CD34: variants seen among roughly 807,000 people sequenced by gnomAD.
CD34 encodes hematopoietic progenitor cell antigen CD34.
Under a neutral mutation model 40.1 loss-of-function variants are expected in CD34, and 34 were observed. The ratio of observed to expected loss-of-function variants is 0.85; its 90% confidence interval spans 0.65 to 1.13. The LOEUF (loss-of-function observed/expected upper bound fraction) is 1.13. Among genes scored for constraint, CD34 ranks in the 50% most tolerant of loss-of-function variants. The pLI is 0.00. For missense variants in CD34, 426 were observed against 466.9 expected (o/e 0.91, Z 0.81); for synonymous variants, 209 against 190.0 (o/e 1.10, Z -0.82).
rs1447863216 is a variant in CD34 at position 207,887,857 on chromosome 1, G to A, written c.1039C>T (p.Pro347Ser). The A allele has an allele frequency of 6.2e-7, 1 of 1,614,166 alleles. No individual in the cohort carries two copies. Among genetic ancestry groups the A allele is most frequent in the Admixed American group, 1.7e-5 (1 of 60,016 alleles). ...QGYSSGPGTS[P>S]EAQGKASVNR... ...ACACTGGCCTTTCCCTGAGCCTCAG[G>A]GGAGGTCCCAGGTCCTGAGCTATAG... is the stretch of plus-strand genomic sequence containing the variant. The change falls in exon 8 of 8, where the codon CCT (proline) becomes TCT (serine). Residue 347 changes from proline to serine, a missense_variant. Transcript: ENST00000310833.
Position 207,889,710 on chromosome 1 carries a change from C to T in CD34, c.598-89G>A, listed in dbSNP as rs200628065. 8,007 of 1,604,312 alleles carry T rather than the reference C, an allele frequency of 5.0e-3. 27 individuals are homozygous for T. Among genetic ancestry groups the T allele is most frequent in the Non-Finnish European group, 6.3e-3 (7,472 of 1,177,082 alleles). ...CAGAGTCTCTGATTACAGTCATACTCTTACCCCGTCCGCAAGAAGGATCCT... is the reference window on the plus strand; with the variant it reads ...CAGAGTCTCTGATTACAGTCATACTTTTACCCCGTCCGCAAGAAGGATCCT... On this transcript the variant is annotated intron_variant, in intron 4 of 7. Coordinates refer to ENST00000310833, the MANE Select transcript of CD34 (RefSeq NM_001025109.2).
At chr1:207,889,235 G>C (rs753686649) in intron 5 of CD34, 22 bp from the exon 6 acceptor site, 1 of 1,613,954 alleles carries the variant, frequency 6.2e-7, no homozygotes, top group Admixed American at 1.7e-5. Flanking sequence ...AACAAGGGTT[G>C]CTAAATCTAA....
At chr1:207,908,960 C>T (rs973928888) in intron 1 of CD34, among the ~76,000 whole-genome samples, 5 of 152,164 alleles carry the variant, frequency 3.3e-5, no homozygotes, top group Non-Finnish European at 7.3e-5. Context: ...CTGCAATGGC[C>T]CTATGGTAGC....
At chr1:207,897,594 T>C (rs564859649) in intron 3 of CD34, 21 bp from the exon 4 acceptor site, 1 of 1,528,316 alleles carries the variant, frequency 6.5e-7, no homozygotes, top group Non-Finnish European at 8.9e-7. Context: ...ACAAAAACAA[T>C]AACAAAAACA....
intron 4 of CD34, among the ~76,000 whole-genome samples, chr1:207,894,855 GCACATACAGAAGACACGCCTACAGAATC>G (rs1176025488): frequency 1.3e-5 from 2 of 152,054 alleles, no homozygotes; most frequent in African/African-American, 4.8e-5. Context: ...TCTACAGAAT[GCACATACAGAAGACACGCCTACAGAATC>G]CACATAGGGT....
Position 207,899,848 on chromosome 1 carries a change from C to T in CD34, c.235G>A (p.Gly79Ser). ...GTGATGTTTGTTGTGGCCTCATTGC[C>T]ATGTTGAGACACAGGGTGCAGGCTG... ...STSLHPVSQHGNEATTNITET... is the reference protein window; with the variant it reads ...STSLHPVSQHSNEATTNITET... Residue 79 changes from glycine to serine, a missense_variant, in exon 2 of 8, where the codon GGC (glycine) becomes AGC (serine). Gly to Ser is a moderately conservative substitution (Grantham distance 56). Transcript: ENST00000310833. 1 of 1,612,214 alleles carries T rather than the reference C, an allele frequency of 6.2e-7. No homozygotes were observed. The highest frequency in any genetic ancestry group is 1.1e-5 in the South Asian group (1 of 90,638).
At position 207,904,381 on chromosome 1, in the gene CD34, G is replaced by A. The variant is rs185277195; in HGVS notation, c.80-4378C>T. ...GCCAGCCTCTGCCAGGAAGTAGGCC[G>A]TTGGGAGCCACAGACTGTATCACCA... On this transcript the variant is annotated intron_variant, in intron 1 of 7. Transcript: ENST00000310833. Among the ~76,000 whole-genome samples, 235 of 152,294 alleles carry A rather than the reference G, an allele frequency of 1.5e-3. 2 individuals are homozygous for A. Among genetic ancestry groups the A allele is most frequent in the Non-Finnish European group, 2.5e-3 (171 of 68,020 alleles).
chr1:207,887,591 A>C lies in CD34; in HGVS notation c.*147T>G. The C allele has an allele frequency of 9.1e-6, 10 of 1,098,568 alleles. No homozygotes were observed. The highest frequency in any genetic ancestry group is 1.3e-5 in the Non-Finnish European group (10 of 775,890). The allele number at this position is 1,098,568 out of a possible 1,614,324, so 68.1% of individuals were successfully genotyped here. A position where few individuals can be genotyped will look rare whatever the true frequency, so the allele number is the denominator to read the frequency against. On this transcript the variant is annotated 3_prime_UTR_variant, in exon 8 of 8. Coordinates refer to ENST00000310833, the MANE Select transcript of CD34 (RefSeq NM_001025109.2). ...GTTTACCTGCCCCTCCTCAAGGTGT[A>C]GGGCCCCAAGAACAGCCTCTGAGGT...
At chr1:207,904,380 C>T (rs1172662794) in intron 1 of CD34, among the ~76,000 whole-genome samples, 1 of 152,108 alleles carries the variant, frequency 6.6e-6, no homozygotes, top group Non-Finnish European at 1.5e-5. Flanking sequence ...GGAAGTAGGC[C>T]GTTGGGAGCC....
At chr1:207,902,913 C>G (rs1191563805) in intron 1 of CD34, among the ~76,000 whole-genome samples, 1 of 152,308 alleles carries the variant, frequency 6.6e-6, no homozygotes, top group East Asian at 1.9e-4. Flanking sequence ...AGGCCGAGCG[C>G]TGTGGAATGA....
At chr1:207,889,846 G>T in intron 4 of CD34, 1 of 1,573,298 alleles carries the variant, frequency 6.4e-7, no homozygotes, top group Non-Finnish European at 8.6e-7. Context: ...ATATCTTCTA[G>T]TATCTAAGAT....
chr1:207,906,604 G>A (rs1198042077), intron 1 of CD34, among the ~76,000 whole-genome samples: 1 of 152,102 alleles, frequency 6.6e-6, no homozygotes, highest in African/African-American at 2.4e-5. Flanking sequence ...CAACATTTTG[G>A]GAGGCCGATG....
In CD34 at chr1:207,883,128, C is replaced by T. The variant is rs1661836601; in HGVS notation, c.*4610G>A. 1 of 152,098 alleles carries T rather than the reference C, an allele frequency of 6.6e-6. No homozygotes were observed. The highest frequency in any genetic ancestry group is 1.5e-5 in the Non-Finnish European group (1 of 68,012). The allele number at this position is 152,098 out of a possible 1,614,324, so 9.4% of individuals were successfully genotyped here. Reference sequence around the variant, plus strand: ...AACTCTGTGGTTTAGCTTTAAACACCCTACACAAACTGTGACACCCGGATC... The same window carrying T: ...AACTCTGTGGTTTAGCTTTAAACACTCTACACAAACTGTGACACCCGGATC... On this transcript the variant is annotated 3_prime_UTR_variant, in exon 8 of 8. Transcript: ENST00000310833.
At chr1:207,887,964 G>A (rs1303614390) in intron 7 of CD34, 41 bp from the exon 8 acceptor site, 1 of 1,594,654 alleles carries the variant, frequency 6.3e-7, no homozygotes, top group Non-Finnish European at 8.6e-7. Context: ...CTGGTAAGCA[G>A]GGCTGTGAGA....
At chr1:207,889,108 G>C in intron 6 of CD34, 53 bp downstream of exon 6, 3 of 1,114,760 alleles carry the variant, frequency 2.7e-6, no homozygotes, top group Non-Finnish European at 2.8e-6. Context: ...TTACTCCAGG[G>C]AGCCCCCCTG....
At position 207,882,007 on chromosome 1, in the gene CD34, C is replaced by T. The variant is rs1422185032; in HGVS notation, c.*5731G>A. On this transcript the variant is annotated 3_prime_UTR_variant, in exon 8 of 8. Transcript: ENST00000310833. Reference sequence around the variant, plus strand: ...TAGAACCTGCCTAACTCTCCAGTCTCATGGCTTGTAATTTCCTCTCCTCTC... The same window carrying T: ...TAGAACCTGCCTAACTCTCCAGTCTTATGGCTTGTAATTTCCTCTCCTCTC... The T allele has an allele frequency of 6.6e-6, 1 of 152,120 alleles. No individual in the cohort carries two copies. Among genetic ancestry groups the T allele is most frequent in the Admixed American group, 6.5e-5 (1 of 15,284 alleles). The allele number at this position is 152,120 out of a possible 1,614,324, so 9.4% of individuals were successfully genotyped here. A position where few individuals can be genotyped will look rare whatever the true frequency, so the allele number is the denominator to read the frequency against.
chr1:207,903,843 A>G lies in CD34; in HGVS notation c.80-3840T>C, dbSNP rs2102305005. Among the ~76,000 whole-genome samples, 2 of 152,374 alleles carry G rather than the reference A, an allele frequency of 1.3e-5. 1 individual carries two copies. The highest frequency in any genetic ancestry group is 4.1e-4 in the South Asian group (2 of 4,834). On this transcript the variant is annotated intron_variant, in intron 1 of 7. Coordinates refer to ENST00000310833, the MANE Select transcript of CD34 (RefSeq NM_001025109.2). ...CAGAAATAAATGAAAAGCAGACATAAGTATGAAAACTCACACCAGTTTTCT... is the reference window on the plus strand; with the variant it reads ...CAGAAATAAATGAAAAGCAGACATAGGTATGAAAACTCACACCAGTTTTCT...
chr1:207,885,797 G>C lies in CD34; in HGVS notation c.*1941C>G, dbSNP rs527579994. 6.6e-6 allele frequency: 1 copy of C among 152,518 alleles called. No individual in the cohort carries two copies. The highest frequency in any genetic ancestry group is 2.1e-4 in the South Asian group (1 of 4,828). 9.4% of individuals were successfully genotyped at this position (152,518 alleles called of 1,614,324 possible). A position where few individuals can be genotyped will look rare whatever the true frequency, so the allele number is the denominator to read the frequency against. ...GCAAGAAGGAGATGGGGGTGGAGGA[G>C]TGCTGAAGGGAAAGGTCTGGCTTTA... is the stretch of plus-strand genomic sequence containing the variant. On this transcript the variant is annotated 3_prime_UTR_variant, in exon 8 of 8. Coordinates refer to ENST00000310833, the MANE Select transcript of CD34 (RefSeq NM_001025109.2).
At chr1:207,899,693 C>G (rs189778863) in intron 2 of CD34, 128 bp downstream of exon 2, 7 of 818,344 alleles carry the variant, frequency 8.6e-6, no homozygotes, top group Admixed American at 5.4e-5. Context: ...GCATGATACT[C>G]AAGTCATTAA....
Sources: gnomAD v4.1 joint callset for allele counts (sites outside exome capture counted in the v4.1 genomes callset) on GRCh38, gnomAD v4.1.1 for gene constraint, MANE v1.5 for transcripts, NCBI Gene and HGNC (gene_info 2026-07-23, HGNC 2026-07-21) for gene names.